OR7E24: variants seen among roughly 807,000 people sequenced by gnomAD.
The protein encoded by OR7E24 is olfactory receptor 7E24.
For missense variants in OR7E24, 385 were observed against 410.3 expected, an observed-to-expected ratio of 0.94 and a Z score of 0.53; for synonymous variants, 130 against 157.5, an observed-to-expected ratio of 0.83 and a Z score of 1.31.
At chr19:9,242,753 T>C (rs1426542721), upstream of OR7E24, among the ~76,000 whole-genome samples, 1 of 152,220 alleles carries the variant, frequency 6.6e-6, no homozygotes, top group South Asian at 2.1e-4. Context: ...TGATGATTCA[T>C]AGTAATGAAC....
the OR7E24 span, among the ~76,000 whole-genome samples, chr19:9,229,112 TA>T: frequency 4.6e-5 from 7 of 151,906 alleles, no homozygotes; most frequent in Admixed American, 1.3e-4. Flanking sequence ...AAAGTAAATT[TA>T]AAAAAAAGAT....
At chr19:9,239,178 T>C in the OR7E24 span, among the ~76,000 whole-genome samples, 1 of 152,136 alleles carries the variant, frequency 6.6e-6, no homozygotes, top group Non-Finnish European at 1.5e-5. Flanking sequence ...ATTCAACTTT[T>C]TTTTTTTTTG....
upstream of OR7E24, among the ~76,000 whole-genome samples, chr19:9,250,433 A>T (rs1367791368): frequency 3.3e-5 from 5 of 152,220 alleles, no homozygotes; most frequent in Admixed American, 6.5e-5. Flanking sequence ...TAAGGCAAGG[A>T]CAGGAATTAT....
the OR7E24 span, among the ~76,000 whole-genome samples, chr19:9,222,984 A>T: frequency 1.3e-5 from 2 of 152,038 alleles, no homozygotes; most frequent in Non-Finnish European, 2.9e-5. Context: ...TTCTATATCT[A>T]ACTCATTGAG....
the OR7E24 span, chr19:9,214,087 A>C: frequency 2.5e-6 from 4 of 1,614,196 alleles, no homozygotes; most frequent in Non-Finnish European, 3.4e-6. Flanking sequence ...GTTCCATAGA[A>C]CAAGGAGACC....
chr19:9,218,466 A>C, the OR7E24 span, among the ~76,000 whole-genome samples: 7 of 152,242 alleles, frequency 4.6e-5, no homozygotes, highest in Non-Finnish European at 2.9e-5. Flanking sequence ...CTCTCAATAA[A>C]GGAAGAAACC....
chr19:9,221,304 GTCT>G, the OR7E24 span, among the ~76,000 whole-genome samples: 1 of 128,988 alleles, frequency 7.8e-6, no homozygotes, highest in Non-Finnish European at 1.6e-5. Flanking sequence ...CCATCTGTGT[GTCT>G]TCTTTTGACA....
chr19:9,238,300 CAA>C, the OR7E24 span, among the ~76,000 whole-genome samples: 2 of 151,862 alleles, frequency 1.3e-5, no homozygotes, highest in Admixed American at 1.3e-4. Context: ...CAAAAATAAA[CAA>C]AAAAACAATG....
upstream of OR7E24, among the ~76,000 whole-genome samples, chr19:9,249,519 G>C (rs1340954057): frequency 6.6e-6 from 1 of 152,058 alleles, no homozygotes. Flanking sequence ...TAAAGACCAT[G>C]GCAGAGATTT....
At chr19:9,245,668 G>A (rs548123394), upstream of OR7E24, among the ~76,000 whole-genome samples, 7 of 152,332 alleles carry the variant, frequency 4.6e-5, no homozygotes, top group African/African-American at 1.7e-4. Flanking sequence ...ACAATGGTCA[G>A]CAAGTCCTCG....
the OR7E24 span, chr19:9,236,085 G>A: frequency 7.0e-7 from 1 of 1,419,984 alleles, no homozygotes; most frequent in Middle Eastern, 1.8e-4. Context: ...GTCTCTTACG[G>A]TACACAACCT....
At chr19:9,243,714 G>A (rs1426987149), upstream of OR7E24, among the ~76,000 whole-genome samples, 1 of 152,176 alleles carries the variant, frequency 6.6e-6, no homozygotes, top group African/African-American at 2.4e-5. Context: ...GCTCAAGCTG[G>A]TGCAATTGTT....
chr19:9,246,554 T>C (rs575581292), upstream of OR7E24, among the ~76,000 whole-genome samples: 1 of 150,192 alleles, frequency 6.7e-6, no homozygotes, highest in South Asian at 2.1e-4. Flanking sequence ...CAGAACACCA[T>C]GTTTATAGCA....
At chr19:9,232,072 C>T in the OR7E24 span, among the ~76,000 whole-genome samples, 1 of 152,070 alleles carries the variant, frequency 6.6e-6, no homozygotes, top group Admixed American at 6.6e-5. Context: ...AAAATCATTT[C>T]TTTTTTAACA....
At chr19:9,235,527 C>G in the OR7E24 span, 1 of 1,549,030 alleles carries the variant, frequency 6.5e-7, no homozygotes, top group Admixed American at 1.7e-5. Flanking sequence ...CCATCTGCCA[C>G]CCACTGCAGT....
upstream of OR7E24, among the ~76,000 whole-genome samples, chr19:9,244,992 T>C (rs767877153): frequency 6.6e-4 from 101 of 152,186 alleles, no homozygotes; most frequent in Middle Eastern, 3.4e-3. Flanking sequence ...TCACCTGAGG[T>C]CAGGAGTTCA....
At chr19:9,211,051 T>C in the OR7E24 span, 1 of 152,276 alleles carries the variant, frequency 6.6e-6, no homozygotes, top group African/African-American at 2.4e-5. Context: ...GAAATCTCCA[T>C]GGTCTTGGGT....
At chr19:9,227,101 T>C in the OR7E24 span, among the ~76,000 whole-genome samples, 1 of 152,236 alleles carries the variant, frequency 6.6e-6, no homozygotes, top group African/African-American at 2.4e-5. Flanking sequence ...TGTGTCCATG[T>C]GTTCCCATCA....
At chr19:9,228,797 G>C in the OR7E24 span, among the ~76,000 whole-genome samples, 2 of 152,154 alleles carry the variant, frequency 1.3e-5, no homozygotes, top group East Asian at 3.8e-4. Context: ...AACCACAAAG[G>C]GTTCTAGTGA....
Sources: allele counts gnomAD v4.1 joint callset (sites outside exome capture counted in the v4.1 genomes callset), GRCh38; gene constraint gnomAD v4.1.1; transcripts MANE v1.5; gene names NCBI Gene and HGNC (gene_info 2026-07-23, HGNC 2026-07-21).